NELFA: variants seen among roughly 807,000 people sequenced by gnomAD.
The protein encoded by NELFA is negative elongation factor complex member A.
In NELFA, 35 loss-of-function variants were observed where a neutral mutation model predicts 51.8. That is an observed-to-expected ratio of 0.68 (90% CI 0.52 to 0.90). NELFA has a LOEUF of 0.90. NELFA is among the 40% of genes least tolerant of loss of function. The pLI, the probability that NELFA is intolerant of heterozygous loss-of-function variation, is 0.00. For missense variants in NELFA, 658 were observed against 746.4 expected (o/e 0.88, Z 1.38); for synonymous variants, 417 against 338.4 (o/e 1.23, Z -2.55).
chr4:1,988,095 C>G, intron 3 of NELFA, 88 bp from the exon 4 acceptor site: 1 of 1,167,032 alleles, frequency 8.6e-7, no homozygotes, highest in Non-Finnish European at 1.2e-6. Context: ...TGGATTCATC[C>G]GACGGCCTGA....
chr4:2,008,949 A>G lies in NELFA; in HGVS notation c.11T>C (p.Met4Thr). The change falls in exon 1 of 11, where the codon ATG becomes ACG. Residue 4 changes from methionine to threonine, a missense_variant. Met to Thr is a moderately conservative substitution (Grantham distance 81). Transcript: ENST00000382882. ...CCACAGGCCCGTGTCGCTCTCCCGC[A>G]TGGACGCCATCTTGGGGGAAAGCGC... MASMRESDTGLWLH... is the reference protein window; with the variant it reads MASTRESDTGLWLH... 3 of 1,560,272 alleles carry G rather than the reference A, an allele frequency of 1.9e-6. No homozygotes were observed. The highest frequency in any genetic ancestry group is 2.6e-6 in the Non-Finnish European group (3 of 1,152,068).
chr4:1,990,660 C>G (rs533287015), intron 2 of NELFA, among the ~76,000 whole-genome samples: 1 of 152,376 alleles, frequency 6.6e-6, no homozygotes, highest in East Asian at 1.9e-4. Flanking sequence ...CCCTGTCTCT[C>G]TGGGTGCTGC....
intron 1 of NELFA, among the ~76,000 whole-genome samples, chr4:2,000,811 T>A (rs899342709): frequency 1.1e-4 from 16 of 152,136 alleles, no homozygotes; most frequent in African/African-American, 3.4e-4. Context: ...GCCAACATCA[T>A]CCTGATACCA....
chr4:2,008,811 G>C lies in NELFA; in HGVS notation c.149C>G (p.Ser50Trp). Residue 50 changes from serine to tryptophan, a missense_variant, in exon 1 of 11, where the codon TCG (serine) becomes TGG (tryptophan). Transcript: ENST00000382882. ...GAGTAGCAACTTGAGCTTCACTGCCGACGAGAGGCCATGGAAGCAGAGACG... is the reference window on the plus strand; with the variant it reads ...GAGTAGCAACTTGAGCTTCACTGCCCACGAGAGGCCATGGAAGCAGAGACG... ...NIRLCFHGLSSAVKLKLLLGT... is the reference protein window; with the variant it reads ...NIRLCFHGLSWAVKLKLLLGT... The C allele has an allele frequency of 1.2e-6, 2 of 1,612,730 alleles. No homozygotes were observed. The highest frequency in any genetic ancestry group is 1.7e-6 in the Non-Finnish European group (2 of 1,179,578).
At position 1,985,920 on chromosome 4, in the gene NELFA, C is replaced by G; in HGVS notation, c.836-56G>C. The G allele has an allele frequency of 1.3e-6, 2 of 1,484,918 alleles. 1 individual carries two copies. Among genetic ancestry groups the G allele is most frequent in the South Asian group, 2.5e-5 (2 of 81,088 alleles). 92.0% of individuals were successfully genotyped at this position (1,484,918 alleles called of 1,614,324 possible). On this transcript the variant is annotated intron_variant, in intron 6 of 10. Coordinates refer to ENST00000382882, the MANE Select transcript of NELFA (RefSeq NM_005663.5). ...CCCGGGCGCGTCTGCAGTGTCAGCT[C>G]AGGGCAGCGGCAGGGAATCAAACAG...
chr4:1,985,842 C>A lies in NELFA; in HGVS notation c.858G>T (p.Pro286=). The part of the protein sequence containing the change: ...KTLDAEVVEK[P]AKEETVVENA... ...TCTCCACCACCGTTTCCTCCTTGGC[C>A]GGCTTCTCCACCACCTCCGCATCTG... Residue 286 remains proline (P), a synonymous_variant, in exon 7 of 11, where the codon CCG becomes CCT. Transcript: ENST00000382882. 2 of 1,613,198 alleles carry A rather than the reference C, an allele frequency of 1.2e-6. No individual in the cohort carries two copies. Among genetic ancestry groups the A allele is most frequent in the East Asian group, 2.2e-5 (1 of 44,840 alleles).
At chr4:1,986,092 A>T (rs1418441515) in intron 6 of NELFA, 22 bp downstream of exon 6, 1 of 1,546,490 alleles carries the variant, frequency 6.5e-7, no homozygotes, top group Admixed American at 2.0e-5. Context: ...ATTGCCGCCG[A>T]CACGCAGGCC....
chr4:2,003,364 A>G (rs1728625179), intron 1 of NELFA, among the ~76,000 whole-genome samples: 1 of 152,248 alleles, frequency 6.6e-6, no homozygotes, highest in Non-Finnish European at 1.5e-5. Context: ...TTGACCCAGC[A>G]ATCCTGTTAC....
chr4:1,985,753 T>C lies in NELFA; in HGVS notation c.924+23A>G, dbSNP rs371044852. 83 of 1,606,188 alleles carry C rather than the reference T, an allele frequency of 5.2e-5. No individual in the cohort carries two copies. In the African/African-American group the frequency reaches 7.2e-4, roughly 14 times the overall value. ...GGGGCACCCGCAGTGGTGCCAGACA[T>C]GGGGTGCAGCCCCGAGCCCTACCTG... On this transcript the variant is annotated intron_variant, in intron 7 of 10. Coordinates refer to ENST00000382882, the MANE Select transcript of NELFA (RefSeq NM_005663.5).
intron 1 of NELFA, among the ~76,000 whole-genome samples, chr4:1,995,843 C>T (rs919834310): frequency 2.0e-5 from 3 of 151,750 alleles, no homozygotes; most frequent in African/African-American, 4.8e-5. Flanking sequence ...ACCCATAATC[C>T]TAACGGGGAG....
intron 7 of NELFA, among the ~76,000 whole-genome samples, chr4:1,985,358 C>T (rs111242218): frequency 7.2e-5 from 11 of 152,234 alleles, no homozygotes; most frequent in African/African-American, 1.2e-4. Flanking sequence ...GTGCACCTGC[C>T]GCGCCCCGTG....
chr4:1,991,804 T>C, intron 1 of NELFA, 89 bp from the exon 2 acceptor site: 1 of 1,387,090 alleles, frequency 7.2e-7, no homozygotes, highest in Non-Finnish European at 9.7e-7. Flanking sequence ...CACTGGGCAG[T>C]GGCCGGGCTC....
At chr4:1,985,494 TGCCTGAC>T (rs1481828551) in intron 7 of NELFA, among the ~76,000 whole-genome samples, 5 of 152,100 alleles carry the variant, frequency 3.3e-5, no homozygotes, top group African/African-American at 1.2e-4. Context: ...CCACCAGCCC[TGCCTGAC>T]GGGACACTGA....
Position 1,983,291 on chromosome 4 carries a change from G to A in NELFA, c.*28C>T, listed in dbSNP as rs373489467. The A allele has an allele frequency of 1.3e-6, 2 of 1,596,224 alleles. No homozygotes were observed. The highest frequency in any genetic ancestry group is 1.7e-6 in the Non-Finnish European group (2 of 1,167,266). ...GCCATCGTCCCGTGGACCCCCACAA[G>A]TGACGGCCAGCTGTGAGGCAGGTGG... On this transcript the variant is annotated 3_prime_UTR_variant, in exon 11 of 11. Transcript: ENST00000382882.
In NELFA at chr4:2,008,666, C is replaced by T; in HGVS notation, c.210+84G>A. The T allele has an allele frequency of 6.1e-6, 9 of 1,480,514 alleles. No individual in the cohort carries two copies. The South Asian group carries it at 1.0e-4, about 17-fold the overall frequency. 91.7% of individuals were successfully genotyped at this position (1,480,514 alleles called of 1,614,324 possible). ...GGGATGGGAAGGTTGGGGGAGGGAG[C>T]GAGGAGGGTCCGGAGTTGGGTGTGC... On this transcript the variant is annotated intron_variant, in intron 1 of 10. Transcript: ENST00000382882.
chr4:1,993,218 G>A (rs1728327556), intron 1 of NELFA, among the ~76,000 whole-genome samples: 1 of 152,248 alleles, frequency 6.6e-6, no homozygotes, highest in Admixed American at 6.5e-5. Flanking sequence ...CACTGTTGTG[G>A]AGTCAATGTT....
rs1220070099 is a variant in NELFA at position 1,984,116 on chromosome 4, G to A, written c.1037-3C>T. On this transcript the variant is annotated splice_polypyrimidine_tract_variant and splice_region_variant and intron_variant, in intron 8 of 10. Coordinates refer to ENST00000382882, the MANE Select transcript of NELFA (RefSeq NM_005663.5). ...GCTGGCTTCCCGGGAAGATGGGGCT[G>A]CAAGTAGACCGGGGCCTGGTGAGGG... The A allele has an allele frequency of 2.6e-6, 4 of 1,553,840 alleles. No homozygotes were observed. In the African/African-American group the frequency reaches 5.4e-5, roughly 21 times the overall value.
At chr4:1,983,822 T>C (rs772357984) in intron 9 of NELFA, 26 bp downstream of exon 9, 25 of 1,570,346 alleles carry the variant, frequency 1.6e-5, no homozygotes, top group Non-Finnish European at 1.8e-5. Context: ...CCTGGTGGCC[T>C]GTGGGCCCTA....
chr4:1,985,975 G>GA, intron 6 of NELFA, 111 bp from the exon 7 acceptor site: 5 of 1,340,034 alleles, frequency 3.7e-6, no homozygotes, highest in Non-Finnish European at 4.1e-6. Context: ...AAGGAGCGAG[G>GA]AGAAAAGCAG....
Sources: gnomAD v4.1 joint callset for allele counts (sites outside exome capture counted in the v4.1 genomes callset) on GRCh38, gnomAD v4.1.1 for gene constraint, MANE v1.5 for transcripts, NCBI Gene and HGNC (gene_info 2026-07-23, HGNC 2026-07-21) for gene names.